Variants in TRDN observed in about 807,000 individuals in gnomAD.
The protein encoded by TRDN is triadin.
Under a neutral mutation model 149.7 loss-of-function variants are expected in TRDN, and 161 were observed. The ratio of observed to expected loss-of-function variants is 1.08; its 90% CI spans 0.95 to 1.23. The LOEUF (loss-of-function observed/expected upper bound fraction) is 1.23. Ranked by LOEUF, TRDN falls within the 50% of genes most tolerant of loss-of-function variation. The pLI is 0.00. For synonymous variants in TRDN, 294 were observed against 250.5 expected (o/e 1.17, Z -1.64); for missense variants, 896 against 823.5 (o/e 1.09, Z -1.08).
chr6:123,464,539 T>G (rs962130673), intron 10 of TRDN: 2 of 1,009,470 alleles, frequency 2.0e-6, no homozygotes, highest in Non-Finnish European at 2.4e-6. Flanking sequence ...GAGCTCAGAT[T>G]CAAACCCAGC....
chr6:123,478,593 A>C (rs947965071), intron 9 of TRDN, among the ~76,000 whole-genome samples: 4 of 151,946 alleles, frequency 2.6e-5, no homozygotes, highest in African/African-American at 9.6e-5. Flanking sequence ...ATTTTAGTAC[A>C]AAGACCAAAG....
chr6:123,530,095 ACT>A (rs1329081637), intron 5 of TRDN, among the ~76,000 whole-genome samples: 3 of 151,786 alleles, frequency 2.0e-5, no homozygotes, highest in Admixed American at 6.6e-5. Context: ...TCATATAATG[ACT>A]CTGCATTTCT....
At chr6:123,587,593 C>T (rs1166219951) in intron 1 of TRDN, among the ~76,000 whole-genome samples, 1 of 152,050 alleles carries the variant, frequency 6.6e-6, no homozygotes, top group Non-Finnish European at 1.5e-5. Flanking sequence ...TGATCTGAGT[C>T]GCGGCACCAA....
At chr6:123,260,092 C>T (rs897887681) in intron 34 of TRDN, among the ~76,000 whole-genome samples, 1 of 151,924 alleles carries the variant, frequency 6.6e-6, no homozygotes, top group Non-Finnish European at 1.5e-5. Context: ...CATGACCCTG[C>T]TACCCACTTC....
At chr6:123,595,923 A>G (rs1784017288) in intron 1 of TRDN, among the ~76,000 whole-genome samples, 1 of 152,050 alleles carries the variant, frequency 6.6e-6, no homozygotes, top group Non-Finnish European at 1.5e-5. Flanking sequence ...TAGGCCAGTT[A>G]ATAACCCTAC....
intron 9 of TRDN, among the ~76,000 whole-genome samples, chr6:123,472,818 C>T (rs1047548837): frequency 6.6e-6 from 1 of 152,134 alleles, no homozygotes; most frequent in African/African-American, 2.4e-5. Context: ...GGGAGGCAAC[C>T]CCCCAGCAGG....
chr6:123,415,624 C>A (rs1562302173), intron 12 of TRDN, among the ~76,000 whole-genome samples: 1 of 152,138 alleles, frequency 6.6e-6, no homozygotes. Context: ...ATAATCATAA[C>A]CACAAATATC....
chr6:123,298,757 G>C (rs1460546786), intron 24 of TRDN, among the ~76,000 whole-genome samples: 1 of 151,950 alleles, frequency 6.6e-6, no homozygotes, highest in East Asian at 1.9e-4. Flanking sequence ...ATATTGGGGA[G>C]GGAGTTGCAA....
chr6:123,375,107 G>C (rs1011672277), intron 19 of TRDN, among the ~76,000 whole-genome samples: 1 of 152,068 alleles, frequency 6.6e-6, no homozygotes, highest in Non-Finnish European at 1.5e-5. Flanking sequence ...TGCTGCAAAT[G>C]CCACAGTATG....
intron 1 of TRDN, among the ~76,000 whole-genome samples, chr6:123,624,460 T>C (rs1479455222): frequency 6.6e-6 from 1 of 152,182 alleles, no homozygotes; most frequent in Non-Finnish European, 1.5e-5. Flanking sequence ...TCAGTCACTA[T>C]GAACAAAGGC....
At chr6:123,564,055 T>C (rs980725912) in intron 2 of TRDN, among the ~76,000 whole-genome samples, 1 of 152,222 alleles carries the variant, frequency 6.6e-6, no homozygotes, top group African/African-American at 2.4e-5. Flanking sequence ...TAAAAATGAA[T>C]ACTTTTTTTC....
At chr6:123,327,788 T>G (rs553603270) in intron 23 of TRDN, among the ~76,000 whole-genome samples, 1 of 152,284 alleles carries the variant, frequency 6.6e-6, no homozygotes, top group Non-Finnish European at 1.5e-5. Flanking sequence ...CAACTTTGAT[T>G]ATCCCTTTTC....
intron 12 of TRDN, among the ~76,000 whole-genome samples, chr6:123,398,505 T>C (rs1185218983): frequency 2.0e-5 from 3 of 152,194 alleles, no homozygotes; most frequent in African/African-American, 7.2e-5. Flanking sequence ...TATCTTGCAG[T>C]CCAAAGAGCT....
chr6:123,471,106 A>G (rs1036439447), intron 9 of TRDN: 4 of 152,250 alleles, frequency 2.6e-5, no homozygotes, highest in African/African-American at 7.2e-5. Context: ...TCTTAAATGT[A>G]TGGTCAATGA....
intron 24 of TRDN, among the ~76,000 whole-genome samples, chr6:123,312,363 A>G (rs1421614084): frequency 6.6e-6 from 1 of 151,820 alleles, no homozygotes; most frequent in Non-Finnish European, 1.5e-5. Flanking sequence ...TCCTCAGCCT[A>G]CTCAACATGA....
chr6:123,313,513 C>A (rs1778909536), intron 24 of TRDN, among the ~76,000 whole-genome samples: 1 of 151,852 alleles, frequency 6.6e-6, no homozygotes, highest in Non-Finnish European at 1.5e-5. Context: ...GTCTGGCCTC[C>A]TTTCCATAGG....
intron 1 of TRDN, among the ~76,000 whole-genome samples, chr6:123,572,425 T>C (rs1782628047): frequency 6.6e-6 from 1 of 152,098 alleles, no homozygotes; most frequent in South Asian, 2.1e-4. Flanking sequence ...TTCTATAAAA[T>C]TGATACTACT....
At chr6:123,449,786 G>C (rs909123789) in intron 10 of TRDN, among the ~76,000 whole-genome samples, 1 of 152,108 alleles carries the variant, frequency 6.6e-6, no homozygotes, top group African/African-American at 2.4e-5. Context: ...CCAAAGTTAA[G>C]ATGAAGGAAA....
At chr6:123,344,187 C>T (rs958043476) in intron 21 of TRDN, among the ~76,000 whole-genome samples, 4 of 151,954 alleles carry the variant, frequency 2.6e-5, no homozygotes, top group Non-Finnish European at 5.9e-5. Context: ...CTAATACACC[C>T]TCTTCAAGCA....
Sources: allele counts gnomAD v4.1 joint callset (sites outside exome capture counted in the v4.1 genomes callset), GRCh38; gene constraint gnomAD v4.1.1; transcripts MANE v1.5; gene names NCBI Gene and HGNC (gene_info 2026-07-23, HGNC 2026-07-21).